EHMT1: variants seen among roughly 807,000 people sequenced by gnomAD.
The protein encoded by EHMT1 is histone-lysine N-methyltransferase EHMT1.
EHMT1 carries 15 observed loss-of-function variants against 147.2 expected under a neutral mutation model. The observed-to-expected ratio is 0.10, with a 90% CI of 0.07 to 0.16. EHMT1 has a LOEUF of 0.16. Ranked by LOEUF, EHMT1 falls within the 10% of genes least tolerant of loss-of-function variation. The pLI is 1.00. For missense variants in EHMT1, 1,587 were observed against 1,772.4 expected (o/e 0.90, Z 1.88); for synonymous variants, 795 against 709.6 (o/e 1.12, Z -1.91).
At chr9:137,818,014 G>C (rs1287637677) in intron 24 of EHMT1, 46 bp from the exon 25 acceptor site, 1 of 1,597,430 alleles carries the variant, frequency 6.3e-7, no homozygotes, top group African/African-American at 1.3e-5. Context: ...TCTGTGGGCA[G>C]TGCTCGCTGC....
intron 2 of EHMT1, among the ~76,000 whole-genome samples, chr9:137,712,561 G>A (rs1944841409): frequency 6.6e-6 from 1 of 152,178 alleles, no homozygotes; most frequent in South Asian, 2.1e-4. Context: ...CATTTCGTGT[G>A]CTTACTGGCC....
At chr9:137,758,995 C>T (rs1949595931) in intron 9 of EHMT1, among the ~76,000 whole-genome samples, 1 of 151,820 alleles carries the variant, frequency 6.6e-6, no homozygotes. Flanking sequence ...GGCGTAGTGG[C>T]GGGCGCCTAT....
At chr9:137,740,005 TGTG>T (rs1430036065) in intron 4 of EHMT1, among the ~76,000 whole-genome samples, 14 of 152,312 alleles carry the variant, frequency 9.2e-5, no homozygotes, top group African/African-American at 1.2e-4. Flanking sequence ...GTGGCAGAGT[TGTG>T]GTGGTGACCA....
intron 1 of EHMT1, among the ~76,000 whole-genome samples, chr9:137,643,731 G>A (rs1301546568): frequency 6.6e-6 from 1 of 152,132 alleles, no homozygotes; most frequent in Non-Finnish European, 1.5e-5. Context: ...CATCTCTCAG[G>A]ACCCTCGTTC....
chr9:137,801,081 T>C (rs1000777546), intron 18 of EHMT1, 97 bp downstream of exon 18: 1 of 1,106,126 alleles, frequency 9.0e-7, no homozygotes, highest in Admixed American at 1.9e-5. Flanking sequence ...CCCTGGCACC[T>C]GGTGGCGGCT....
intron 4 of EHMT1, among the ~76,000 whole-genome samples, chr9:137,739,831 C>T (rs1348351857): frequency 6.6e-6 from 1 of 152,160 alleles, no homozygotes; most frequent in Non-Finnish European, 1.5e-5. Context: ...AAATACTGAT[C>T]CTGAATGGCC....
At position 137,691,309 on chromosome 9, in the gene EHMT1, T is replaced by TTATATATATATA. The variant is rs543280328; in HGVS notation, c.22-19653_22-19642dup. On this transcript the variant is annotated intron_variant, in intron 1 of 26. Transcript: ENST00000460843. ...TTAAGGCTGAATAGTATATATGTAA[T>TTATATATATATA]TATATATATATATATAAAATATATT... Among the ~76,000 whole-genome samples, 1,265 of 147,552 alleles carry TTATATATATATA rather than the reference T, an allele frequency of 8.6e-3. 8 individuals carry two copies. The highest frequency in any genetic ancestry group is 0.03 in the African/African-American group (1,205 of 39,990).
intron 1 of EHMT1, among the ~76,000 whole-genome samples, chr9:137,687,753 G>A (rs2134746629): frequency 6.6e-6 from 1 of 152,324 alleles, no homozygotes; most frequent in South Asian, 2.1e-4. Context: ...CCAGCACCTT[G>A]ATCTTGGATT....
In EHMT1 at chr9:137,716,621, G is replaced by T. The variant is rs371370370; in HGVS notation, c.86-5G>T. 7.1e-6 allele frequency: 11 copies of T among 1,548,618 alleles called. No homozygotes were observed. Among genetic ancestry groups the T allele is most frequent in the Admixed American group, 1.9e-5 (1 of 52,556 alleles). On this transcript the variant is annotated splice_polypyrimidine_tract_variant and splice_region_variant and intron_variant, in intron 2 of 26. Coordinates refer to ENST00000460843, the MANE Select transcript of EHMT1 (RefSeq NM_024757.5). ...AGTCAGTGACACTCGTTTCTTTGTTGGCAGAGACACCTATGGCTGCCGATG... is the reference window on the plus strand; with the variant it reads ...AGTCAGTGACACTCGTTTCTTTGTTTGCAGAGACACCTATGGCTGCCGATG...
chr9:137,729,586 CAA>C (rs71944923), intron 4 of EHMT1, among the ~76,000 whole-genome samples: 1 of 143,634 alleles, frequency 7.0e-6, no homozygotes, highest in Admixed American at 6.9e-5. Flanking sequence ...GACTCCATCT[CAA>C]AAAAAAAAAA....
At position 137,728,385 on chromosome 9, in the gene EHMT1, G is replaced by T; in HGVS notation, c.679G>T (p.Ala227Ser). ...ASKDPREVREARDHKEPKEEI... is the reference protein window; with the variant it reads ...ASKDPREVRESRDHKEPKEEI... Reference sequence around the variant, plus strand: ...TAAAGATCCCAGAGAAGTTCGAGAAGCTAGAGATCATAAGGAACCAAAAGA... The same window carrying T: ...TAAAGATCCCAGAGAAGTTCGAGAATCTAGAGATCATAAGGAACCAAAAGA... Residue 227 changes from alanine (A) to serine (S), a missense_variant, in exon 4 of 27, where the codon GCT becomes TCT. Physicochemically the swap from Ala to Ser is moderately conservative, Grantham distance 99. This residue lies in a region of EHMT1 where 810 missense variants were observed against 673.0 expected (regional missense o/e 1.20). Coordinates refer to ENST00000460843, the MANE Select transcript of EHMT1 (RefSeq NM_024757.5). 1 of 1,614,228 alleles carries T rather than the reference G, an allele frequency of 6.2e-7. No homozygotes were observed. The highest frequency in any genetic ancestry group is 8.5e-7 in the Non-Finnish European group (1 of 1,180,048).
rs780901561 is a variant in EHMT1, at chr9:137,716,667, G to T, written c.127G>T (p.Ala43Ser). 6.3e-7 allele frequency: 1 copy of T among 1,598,002 alleles called. No homozygotes were observed. Among genetic ancestry groups the T allele is most frequent in the Non-Finnish European group, 8.5e-7 (1 of 1,169,620 alleles). The part of the protein sequence containing the change: ...AADEGSAEKQ[A>S]GEAHMAADGE... The stretch of plus-strand genomic sequence containing the variant: ...CGATGAAGGCTCAGCAGAGAAACAG[G>T]CAGGAGAGGCCCACATGGCTGCGGA... The change falls in exon 3 of 27, where the codon GCA (alanine) becomes TCA (serine). Residue 43 changes from alanine (A) to serine (S), a missense_variant. Ala to Ser is a moderately conservative substitution (Grantham distance 99). This residue lies in a region of EHMT1 where 810 missense variants were observed against 673.0 expected (regional missense o/e 1.20). Transcript: ENST00000460843.
rs749520873 is a variant in EHMT1 at position 137,743,468 on chromosome 9, A to G, written c.921A>G (p.Leu307=). 2 of 1,613,992 alleles carry G rather than the reference A, an allele frequency of 1.2e-6. No homozygotes were observed. Among genetic ancestry groups the G allele is most frequent in the Non-Finnish European group, 1.7e-6 (2 of 1,180,038 alleles). Reference sequence around the variant, plus strand: ...TTCCTAAGAAAAAGACCAAAGTATTAAAACAGAGGACGGTGATTGAGATGT... The same window carrying G: ...TTCCTAAGAAAAAGACCAAAGTATTGAAACAGAGGACGGTGATTGAGATGT... The part of the protein sequence containing the change: ...SLVPKKKTKV[L]KQRTVIEMFK... Residue 307 remains leucine (L), a synonymous_variant, in exon 5 of 27, where the codon TTA becomes TTG. Transcript: ENST00000460843.
intron 4 of EHMT1, among the ~76,000 whole-genome samples, chr9:137,739,304 G>T (rs1947843060): frequency 6.6e-6 from 1 of 151,180 alleles, no homozygotes; most frequent in African/African-American, 2.4e-5. Flanking sequence ...TGCAGTGAGC[G>T]GAGATCGCAC....
In EHMT1 at chr9:137,695,306, C is replaced by T. The variant is rs190705452; in HGVS notation, c.22-15661C>T. On this transcript the variant is annotated intron_variant, in intron 1 of 26. Transcript: ENST00000460843. ...CTAGGCCTTGGTGGCAGGTGAGCCC[C>T]AGAGCTTGGATTGCTGTGAGATCTG... is the stretch of plus-strand genomic sequence containing the variant. Among the ~76,000 whole-genome samples the T allele has an allele frequency of 4.2e-3, 633 of 152,286 alleles. 16 individuals carry two copies. Among genetic ancestry groups the T allele is most frequent in the Admixed American group, 0.039 (593 of 15,294 alleles).
At chr9:137,629,626 C>T (rs554213919) in intron 1 of EHMT1, among the ~76,000 whole-genome samples, 1 of 152,166 alleles carries the variant, frequency 6.6e-6, no homozygotes, top group Non-Finnish European at 1.5e-5. Context: ...CTCTCCTGAC[C>T]TCGTGATCTG....
At chr9:137,667,737 G>A (rs1939836042) in intron 1 of EHMT1, among the ~76,000 whole-genome samples, 1 of 152,172 alleles carries the variant, frequency 6.6e-6, no homozygotes, top group African/African-American at 2.4e-5. Flanking sequence ...TTTCTTGAAA[G>A]GAAATTGTCT....
At chr9:137,822,670 G>A (rs989328195) in intron 25 of EHMT1, among the ~76,000 whole-genome samples, 6 of 152,090 alleles carry the variant, frequency 3.9e-5, no homozygotes, top group South Asian at 2.1e-4. Flanking sequence ...CGAGGCGGGC[G>A]GATCACGAGG....
At chr9:137,713,847 G>C (rs1171374409) in intron 2 of EHMT1, among the ~76,000 whole-genome samples, 1 of 152,038 alleles carries the variant, frequency 6.6e-6, no homozygotes, top group Non-Finnish European at 1.5e-5. Flanking sequence ...CTACTCATGA[G>C]GCTGAGGCAG....
Sources: gnomAD v4.1 joint callset for allele counts (sites outside exome capture counted in the v4.1 genomes callset) on GRCh38, gnomAD v4.1.1 for gene constraint, gnomAD v4.1.1 regional missense constraint, MANE v1.5 for transcripts, NCBI Gene and HGNC (gene_info 2026-07-23, HGNC 2026-07-21) for gene names.